Variants in NFIA observed in about 807,000 individuals in gnomAD.
The protein encoded by NFIA is nuclear factor I A, also known as nuclear factor 1 A-type.
NFIA carries 8 observed loss-of-function variants against 62.8 expected under a neutral mutation model. The observed-to-expected ratio is 0.13, with a 90% confidence interval of 0.07 to 0.23. NFIA has a LOEUF of 0.23. Among genes scored for constraint, NFIA ranks in the 10% least tolerant of loss-of-function variants. The pLI is 1.00. For synonymous variants in NFIA, 235 were observed against 238.1 expected (o/e 0.99, Z 0.12); for missense variants, 410 against 642.1 (o/e 0.64, Z 3.91).
intron 2 of NFIA, among the ~76,000 whole-genome samples, chr1:61,242,873 G>A (rs928694157): frequency 1.3e-5 from 2 of 152,078 alleles, no homozygotes; most frequent in Non-Finnish European, 2.9e-5. Flanking sequence ...ACTATAGAGC[G>A]ATATAGTTTA....
intron 2 of NFIA, among the ~76,000 whole-genome samples, chr1:61,210,422 C>G (rs1333037287): frequency 1.3e-5 from 2 of 152,170 alleles, no homozygotes; most frequent in Non-Finnish European, 2.9e-5. Flanking sequence ...GAACATTTCT[C>G]CTAAGGGCTT....
intron 2 of NFIA, among the ~76,000 whole-genome samples, chr1:61,218,652 T>A (rs1001241555): frequency 1.3e-5 from 2 of 152,246 alleles, no homozygotes; most frequent in African/African-American, 4.8e-5. Context: ...ATTTTTGAAA[T>A]CCTTTAAAAA....
chr1:61,284,410 C>G (rs1658351097), intron 3 of NFIA, among the ~76,000 whole-genome samples: 1 of 152,200 alleles, frequency 6.6e-6, no homozygotes, highest in Admixed American at 6.5e-5. Flanking sequence ...AAAGGCTCCT[C>G]AGAAATGCCT....
intron 7 of NFIA, among the ~76,000 whole-genome samples, chr1:61,385,220 G>A (rs1664617278): frequency 6.7e-6 from 1 of 149,652 alleles, no homozygotes; most frequent in Non-Finnish European, 1.5e-5. Flanking sequence ...CTGGGCAACA[G>A]AGCAAGACTC....
intron 2 of NFIA, among the ~76,000 whole-genome samples, chr1:61,254,655 A>G (rs2100220959): frequency 6.6e-6 from 1 of 152,358 alleles, no homozygotes; most frequent in East Asian, 1.9e-4. Context: ...TATGGAAAGA[A>G]GTCTCAGAGC....
At chr1:61,174,171 G>A (rs1426009245) in intron 2 of NFIA, among the ~76,000 whole-genome samples, 1 of 152,182 alleles carries the variant, frequency 6.6e-6, no homozygotes, top group Non-Finnish European at 1.5e-5. Flanking sequence ...TAGAAGGTGA[G>A]GGCATTATGC....
At chr1:61,439,473 ATT>A (rs1667482690) in intron 10 of NFIA, 1 of 152,092 alleles carries the variant, frequency 6.6e-6, no homozygotes, top group Non-Finnish European at 1.5e-5. Flanking sequence ...CAGGACGAGT[ATT>A]ATGGGAAACA....
chr1:61,082,317 G>A (rs1351469027), upstream of NFIA: 1 of 266,146 alleles, frequency 3.8e-6, no homozygotes, highest in African/African-American at 2.3e-5. Flanking sequence ...CGGCCGCGGA[G>A]GCTCGGGACC....
chr1:61,363,597 T>C (rs1663419321), intron 6 of NFIA, among the ~76,000 whole-genome samples: 2 of 98,100 alleles, frequency 2.0e-5, no homozygotes, highest in African/African-American at 6.7e-5. Context: ...AGAGCAAAAC[T>C]CCGTCAAAAA....
intron 10 of NFIA, among the ~76,000 whole-genome samples, chr1:61,439,963 TA>T (rs1667503360): frequency 6.6e-6 from 1 of 152,180 alleles, no homozygotes; most frequent in African/African-American, 2.4e-5. Flanking sequence ...CTGTAGACCC[TA>T]ACATAAATCC....
chr1:61,093,559 T>C (rs1001794225), intron 2 of NFIA, among the ~76,000 whole-genome samples: 1 of 152,182 alleles, frequency 6.6e-6, no homozygotes, highest in Non-Finnish European at 1.5e-5. Context: ...AGTCAACAAA[T>C]TTGAGATAAA....
chr1:61,262,632 A>G (rs1235737848), intron 2 of NFIA, among the ~76,000 whole-genome samples: 1 of 152,216 alleles, frequency 6.6e-6, no homozygotes, highest in Non-Finnish European at 1.5e-5. Context: ...TAGGACCTCC[A>G]TTTAGAGGAG....
intron 3 of NFIA, among the ~76,000 whole-genome samples, chr1:61,315,267 GC>G: frequency 6.6e-6 from 1 of 152,318 alleles, no homozygotes; most frequent in Middle Eastern, 3.4e-3. Context: ...GGTCAGAAAT[GC>G]CTACGGTAGT....
At chr1:61,444,196 G>C (rs1399109525) in intron 10 of NFIA, among the ~76,000 whole-genome samples, 1 of 152,202 alleles carries the variant, frequency 6.6e-6, no homozygotes, top group African/African-American at 2.4e-5. Flanking sequence ...TCATGGCCAT[G>C]AGATTCTAGA....
intron 7 of NFIA, among the ~76,000 whole-genome samples, chr1:61,391,432 TCAAACACACACACACACACACACACA>T (rs1199041283): frequency 3.2e-4 from 32 of 101,490 alleles, no homozygotes; most frequent in African/African-American, 1.2e-3. Flanking sequence ...TCTTTATGAA[TCAAACACACACACACACACACACACA>T]CACACACACA....
At chr1:61,106,317 A>G (rs773363116) in intron 2 of NFIA, among the ~76,000 whole-genome samples, 1 of 151,868 alleles carries the variant, frequency 6.6e-6, no homozygotes, top group Non-Finnish European at 1.5e-5. Context: ...TGAAATATTA[A>G]AAGACTGGAT....
chr1:61,336,168 TA>T (rs1463290109), intron 4 of NFIA, among the ~76,000 whole-genome samples: 2 of 152,212 alleles, frequency 1.3e-5, no homozygotes, highest in Non-Finnish European at 2.9e-5. Flanking sequence ...ATTATAGAAC[TA>T]AATAGAATCC....
chr1:61,185,382 C>T (rs997578471), intron 2 of NFIA, among the ~76,000 whole-genome samples: 1 of 152,160 alleles, frequency 6.6e-6, no homozygotes, highest in Non-Finnish European at 1.5e-5. Context: ...AGGGGAATAT[C>T]TCCAGTTGAA....
At chr1:61,085,878 G>A (rs1363228350) in intron 1 of NFIA, among the ~76,000 whole-genome samples, 1 of 152,078 alleles carries the variant, frequency 6.6e-6, no homozygotes, top group Non-Finnish European at 1.5e-5. Context: ...TGAGATATAT[G>A]GGCATTTGGT....
Sources: gnomAD v4.1 joint callset for allele counts (sites outside exome capture counted in the v4.1 genomes callset) on GRCh38, gnomAD v4.1.1 for gene constraint, MANE v1.5 for transcripts, NCBI Gene and HGNC (gene_info 2026-07-23, HGNC 2026-07-21) for gene names.